Variants in GLIS3 observed in about 807,000 individuals in gnomAD.
GLIS3 encodes the protein zinc finger protein GLIS3.
Under a neutral mutation model 78.6 loss-of-function variants are expected in GLIS3, and 53 were observed. The ratio of observed to expected loss-of-function variants is 0.67; its 90% CI spans 0.54 to 0.85. The LOEUF (loss-of-function observed/expected upper bound fraction) is 0.85, where lower values mean the gene tolerates loss of function less well. Among genes scored for constraint, GLIS3 ranks in the 40% least tolerant of loss-of-function variants. The pLI is 0.00. For missense variants in GLIS3, 1,703 were observed against 1,231.1 expected (o/e 1.38, Z -5.74); for synonymous variants, 684 against 509.9 (o/e 1.34, Z -4.60).
intron 4 of GLIS3, among the ~76,000 whole-genome samples, chr9:4,072,574 G>A (rs559614922): frequency 3.9e-4 from 60 of 152,156 alleles, no homozygotes; most frequent in African/African-American, 1.2e-3. Context: ...GAGCTATCAG[G>A]ATTTGATTCC....
At chr9:4,232,030 G>T (rs542340474) in intron 2 of GLIS3, among the ~76,000 whole-genome samples, 3 of 152,056 alleles carry the variant, frequency 2.0e-5, no homozygotes, top group Non-Finnish European at 4.4e-5. Context: ...CTTTGTATAG[G>T]ATTTGTATAA....
intron 1 of GLIS3, among the ~76,000 whole-genome samples, chr9:4,299,196 A>G (rs1816890201): frequency 6.6e-6 from 1 of 152,082 alleles, no homozygotes; most frequent in Non-Finnish European, 1.5e-5. Context: ...TTTGAACCCT[A>G]ATTGTTGCTA....
chr9:4,059,674 A>T (rs1826458820), intron 4 of GLIS3, among the ~76,000 whole-genome samples: 1 of 152,108 alleles, frequency 6.6e-6, no homozygotes, highest in Non-Finnish European at 1.5e-5. Context: ...ATTCCAAATT[A>T]GTTAAGTTGG....
the GLIS3 span, among the ~76,000 whole-genome samples, chr9:4,399,485 G>T: frequency 6.6e-6 from 1 of 152,148 alleles, no homozygotes; most frequent in Non-Finnish European, 1.5e-5. Context: ...TTTTCCCAAG[G>T]TCTCATAGCT....
intron 2 of GLIS3, among the ~76,000 whole-genome samples, chr9:4,226,327 T>C (rs1821767282): frequency 6.6e-6 from 1 of 152,182 alleles, no homozygotes; most frequent in Admixed American, 6.5e-5. Context: ...TAAAGATAGG[T>C]CCATATACAT....
the GLIS3 span, among the ~76,000 whole-genome samples, chr9:4,447,436 T>A: frequency 6.6e-6 from 1 of 152,114 alleles, no homozygotes; most frequent in Non-Finnish European, 1.5e-5. Flanking sequence ...CTGAACAATC[T>A]CCCAACCACA....
Position 4,135,074 on chromosome 9 carries a change from C to T in GLIS3, c.389-9133G>A, listed in dbSNP as rs2130955598. Among the ~76,000 whole-genome samples the T allele has an allele frequency of 1.3e-5, 2 of 152,136 alleles. 1 individual carries two copies. The highest frequency in any genetic ancestry group is 4.2e-4 in the South Asian group (2 of 4,816). Reference sequence around the variant, plus strand: ...AGAAATACATTATTTATTGTGGGTCCCCTCATAGACCCCAAATTATGTTAG... The same window carrying T: ...AGAAATACATTATTTATTGTGGGTCTCCTCATAGACCCCAAATTATGTTAG... On this transcript the variant is annotated intron_variant, in intron 2 of 10. Transcript: ENST00000381971.
At chr9:4,098,736 G>A (rs76266122) in intron 4 of GLIS3, among the ~76,000 whole-genome samples, 2,747 of 152,044 alleles carry the variant, frequency 0.018, 73 homozygotes, top group African/African-American at 0.061. Flanking sequence ...TTTTACGATC[G>A]AAATGGAAAT....
chr9:4,430,550 A>C, the GLIS3 span, among the ~76,000 whole-genome samples: 4 of 152,220 alleles, frequency 2.6e-5, no homozygotes, highest in African/African-American at 9.6e-5. Flanking sequence ...TGATTCCATG[A>C]AACTGAGAAG....
intron 2 of GLIS3, among the ~76,000 whole-genome samples, chr9:4,270,858 TA>T (rs1186116965): frequency 6.6e-6 from 1 of 151,856 alleles, no homozygotes; most frequent in Non-Finnish European, 1.5e-5. Flanking sequence ...CAATTCCTCA[TA>T]ATAAATCAAT....
At chr9:4,367,319 G>T in the GLIS3 span, among the ~76,000 whole-genome samples, 7 of 152,040 alleles carry the variant, frequency 4.6e-5, no homozygotes, top group African/African-American at 1.7e-4. Flanking sequence ...TGGGATAATT[G>T]TGACTTCCCT....
At chr9:3,926,876 C>T (rs763682619) in intron 6 of GLIS3, among the ~76,000 whole-genome samples, 3 of 152,126 alleles carry the variant, frequency 2.0e-5, no homozygotes, top group African/African-American at 4.8e-5. Context: ...CCACCCACCT[C>T]GGCCTCCCAA....
rs189627461 is a variant in GLIS3, at chr9:4,046,993, T to C, written c.1710+70775A>G. Among the ~76,000 whole-genome samples the C allele has an allele frequency of 1.6e-4, 25 of 152,282 alleles. No individual in the cohort carries two copies. The East Asian group carries it at 2.9e-3, about 18-fold the overall frequency. On this transcript the variant is annotated intron_variant, in intron 4 of 10. Transcript: ENST00000381971. The stretch of plus-strand genomic sequence containing the variant: ...CACTAATGGGAAAGTTGTCGGAGTG[T>C]AGACTTCAAAATGGGTTGCTGAGTT...
At chr9:4,053,556 T>C (rs1388432651) in intron 4 of GLIS3, among the ~76,000 whole-genome samples, 1 of 151,584 alleles carries the variant, frequency 6.6e-6, no homozygotes, top group African/African-American at 2.4e-5. Context: ...TTCGACAGAA[T>C]ATCTCCTAAG....
At chr9:3,948,215 G>A (rs1163760574) in intron 4 of GLIS3, among the ~76,000 whole-genome samples, 1 of 152,168 alleles carries the variant, frequency 6.6e-6, no homozygotes, top group Non-Finnish European at 1.5e-5. Flanking sequence ...AGCCTAGCTG[G>A]CACACAGCAG....
chr9:4,059,722 C>T (rs2130548197), intron 4 of GLIS3, among the ~76,000 whole-genome samples: 1 of 152,058 alleles, frequency 6.6e-6, no homozygotes, highest in Middle Eastern at 3.4e-3. Context: ...TAGATTCCTC[C>T]TCTTGCCAGC....
intron 4 of GLIS3, chr9:4,070,878 T>A (rs990189703): frequency 2.0e-5 from 3 of 152,168 alleles, no homozygotes; most frequent in African/African-American, 7.2e-5. Context: ...AGAAAAGAGC[T>A]TCTCAACACA....
chr9:4,314,560 G>A (rs1475189329), intron 2 of GLIS3, among the ~76,000 whole-genome samples: 1 of 152,226 alleles, frequency 6.6e-6, no homozygotes, highest in East Asian at 1.9e-4. Flanking sequence ...GGGATCTTCT[G>A]TCACTCACAG....
At chr9:4,050,177 G>A (rs912506302) in intron 4 of GLIS3, among the ~76,000 whole-genome samples, 1 of 152,100 alleles carries the variant, frequency 6.6e-6, no homozygotes, top group South Asian at 2.1e-4. Flanking sequence ...ATTCACCATA[G>A]CAAAGACTTG....
Sources: allele counts gnomAD v4.1 joint callset (sites outside exome capture counted in the v4.1 genomes callset), GRCh38; gene constraint gnomAD v4.1.1; transcripts MANE v1.5; gene names NCBI Gene and HGNC (gene_info 2026-07-23, HGNC 2026-07-21).